ZNF30: variants seen among roughly 807,000 people sequenced by gnomAD.
The protein encoded by ZNF30 is zinc finger protein 30, also known as zinc finger protein 30 (KOX 28).
A neutral mutation model predicts 13.2 loss-of-function variants in ZNF30; 15 were observed. That is an observed-to-expected ratio of 1.13 (90% CI 0.76 to 1.75). The LOEUF (loss-of-function observed/expected upper bound fraction) is 1.75, where lower values mean the gene tolerates loss of function less well. Ranked by LOEUF, ZNF30 falls within the 40% of genes most tolerant of loss-of-function variation. ZNF30 has a pLI of 0.00. For missense variants in ZNF30, 726 were observed against 757.0 expected (o/e 0.96, Z 0.48); for synonymous variants, 223 against 256.6 (o/e 0.87, Z 1.25).
intron 3 of ZNF30, among the ~76,000 whole-genome samples, chr19:34,932,686 G>T (rs756250168): frequency 6.6e-6 from 1 of 151,952 alleles, no homozygotes; most frequent in Non-Finnish European, 1.5e-5. Context: ...AGTGAGTTAC[G>T]CAAGATCACA....
chr19:34,926,489 T>C (rs1174413312), upstream of ZNF30, among the ~76,000 whole-genome samples: 1 of 152,216 alleles, frequency 6.6e-6, no homozygotes, highest in South Asian at 2.1e-4. Context: ...AAATATTTAA[T>C]AGAAACTTAA....
rs2012205743 is a variant in ZNF30, at chr19:34,928,223, ATATATAT to A, written c.-65+1008_-65+1014del. On this transcript the variant is annotated intron_variant, in intron 1 of 4. Coordinates refer to ENST00000601142, the MANE Select transcript of ZNF30 (RefSeq NM_194325.3). ...ATCCCTTCTCTAAAAAAAAAAAAAT[ATATATAT>A]ATATATATATATATATATATATATA... 1.4e-4 allele frequency among the ~76,000 whole-genome samples: 7 copies of A among 51,330 alleles called. 1 individual carries two copies. Among genetic ancestry groups the A allele is most frequent in the African/African-American group, 7.3e-4 (5 of 6,852 alleles). 33.7% of individuals were successfully genotyped at this position (51,330 alleles called of 152,430 possible).
rs1274784373 is a variant in ZNF30, at chr19:34,944,720, A to C, written c.1754A>C (p.Glu585Ala). The stretch of plus-strand genomic sequence containing the variant: ...TTTAGACTTAATTCATTCCTTACTG[A>C]ACATCAGCGGGTACACACTGGTGAG... ...KAFRLNSFLT[E>A]HQRVHTGEKP... The change falls in exon 5 of 5, where the codon GAA becomes GCA. Residue 585 changes from glutamate to alanine, a missense_variant. Coordinates refer to ENST00000601142, the MANE Select transcript of ZNF30 (RefSeq NM_194325.3). 1 of 1,612,476 alleles carries C rather than the reference A, an allele frequency of 6.2e-7. No homozygotes were observed. The highest frequency in any genetic ancestry group is 8.5e-7 in the Non-Finnish European group (1 of 1,178,798).
intron 1 of ZNF30, among the ~76,000 whole-genome samples, chr19:34,928,859 T>G (rs1347595940): frequency 2.0e-5 from 3 of 152,110 alleles, no homozygotes; most frequent in Admixed American, 1.3e-4. Flanking sequence ...GGTGCCTAAT[T>G]TATAAATTAA....
intron 4 of ZNF30, chr19:34,942,630 G>T (rs2013101635): frequency 1.6e-6 from 2 of 1,289,418 alleles, no homozygotes; most frequent in African/African-American, 3.0e-5. Context: ...AAACATGCCA[G>T]AAGATTTTTA....
At chr19:34,924,214 T>C (rs1023936838), upstream of ZNF30, among the ~76,000 whole-genome samples, 8 of 152,192 alleles carry the variant, frequency 5.3e-5, no homozygotes, top group Non-Finnish European at 1.0e-4. Context: ...CTGTCATCTA[T>C]GGAGTGATCA....
At position 34,944,003 on chromosome 19, in the gene ZNF30, GT is replaced by G; in HGVS notation, c.1038del (p.Cys346Ter). ...CATACTGGTGAGAAACCTTTTGAAT[GT>G]AAGGAATGTGGAAAGGCCTTTAGAC... ...SIHTGEKPFE[C>X]KECGKAFRLS... On this transcript the variant is annotated frameshift_variant, in exon 5 of 5. Coordinates refer to ENST00000601142, the MANE Select transcript of ZNF30 (RefSeq NM_194325.3). LOFTEE classifies it low-confidence loss of function (END_TRUNC). The G allele has an allele frequency of 6.2e-7, 1 of 1,614,138 alleles. No individual in the cohort carries two copies. The highest frequency in any genetic ancestry group is 8.5e-7 in the Non-Finnish European group (1 of 1,180,026).
chr19:34,936,211 G>C (rs2012731121), intron 4 of ZNF30, among the ~76,000 whole-genome samples: 1 of 152,186 alleles, frequency 6.6e-6, no homozygotes, highest in Non-Finnish European at 1.5e-5. Flanking sequence ...CCAGGTATTT[G>C]TAGTGGGTAG....
chr19:34,941,631 C>A (rs2013054425), intron 4 of ZNF30, among the ~76,000 whole-genome samples: 1 of 152,164 alleles, frequency 6.6e-6, no homozygotes, highest in African/African-American at 2.4e-5. Flanking sequence ...CTAAAGGTCT[C>A]TTTTTCTGAC....
intron 4 of ZNF30, among the ~76,000 whole-genome samples, chr19:34,936,477 T>G (rs2151669788): frequency 6.6e-6 from 1 of 152,262 alleles, no homozygotes; most frequent in East Asian, 1.9e-4. Flanking sequence ...GCAGGGCAGA[T>G]CTAAAGGTGT....
intron 1 of ZNF30, among the ~76,000 whole-genome samples, chr19:34,928,208 TAAAA>T (rs386388919): frequency 0.016 from 1,133 of 70,668 alleles, 47 homozygotes; most frequent in South Asian, 0.15. Context: ...ATCCCTTCTC[TAAAA>T]AAAAAAAAAT....
upstream of ZNF30, among the ~76,000 whole-genome samples, chr19:34,925,783 C>T (rs997200929): frequency 1.3e-5 from 2 of 152,020 alleles, no homozygotes; most frequent in African/African-American, 4.8e-5. Flanking sequence ...TTAAAGGGAC[C>T]CCGCCCTTCC....
intron 4 of ZNF30, among the ~76,000 whole-genome samples, chr19:34,940,623 G>A (rs1217896464): frequency 7.5e-6 from 1 of 132,936 alleles, no homozygotes; most frequent in Non-Finnish European, 1.5e-5. Flanking sequence ...AGCTGTGATC[G>A]TACCACAGCA....
chr19:34,924,209 A>G (rs991090174), upstream of ZNF30, among the ~76,000 whole-genome samples: 5 of 152,198 alleles, frequency 3.3e-5, no homozygotes, highest in Admixed American at 2.0e-4. Context: ...CTTAGCTGTC[A>G]TCTATGGAGT....
chr19:34,929,199 C>T (rs897055781), intron 1 of ZNF30, among the ~76,000 whole-genome samples: 1 of 152,186 alleles, frequency 6.6e-6, no homozygotes, highest in African/African-American at 2.4e-5. Flanking sequence ...AGGAGAATCA[C>T]TTGAATCTGG....
chr19:34,941,300 T>G (rs1395135611), intron 4 of ZNF30, among the ~76,000 whole-genome samples: 1 of 152,240 alleles, frequency 6.6e-6, no homozygotes, highest in African/African-American at 2.4e-5. Context: ...AGTCTCACTC[T>G]GTTGCCCAGG....
rs1181726169 is a variant in ZNF30 at position 34,929,858 on chromosome 19, C to G, written c.-64-26C>G. 4 of 1,247,526 alleles carry G rather than the reference C, an allele frequency of 3.2e-6. No homozygotes were observed. The East Asian group carries it at 9.7e-5, about 30-fold the overall frequency. 77.3% of individuals were successfully genotyped at this position (1,247,526 alleles called of 1,614,324 possible). ...TATGTCATTGAGAACACTAAAGCCT[C>G]CTTTTCTCCTCTCTGGATTTTCTAG... On this transcript the variant is annotated intron_variant, in intron 1 of 4. Coordinates refer to ENST00000601142, the MANE Select transcript of ZNF30 (RefSeq NM_194325.3).
chr19:34,930,441 A>ATGGTTC (rs2012387327), intron 2 of ZNF30, among the ~76,000 whole-genome samples: 1 of 152,190 alleles, frequency 6.6e-6, no homozygotes, highest in East Asian at 1.9e-4. Context: ...CATTGATATC[A>ATGGTTC]TGGTTCTTCT....
At chr19:34,936,007 C>A (rs2012718881) in intron 4 of ZNF30, among the ~76,000 whole-genome samples, 1 of 152,196 alleles carries the variant, frequency 6.6e-6, no homozygotes, top group Non-Finnish European at 1.5e-5. Flanking sequence ...AGAAAGCCAA[C>A]AGATCTCATG....
Sources: allele counts gnomAD v4.1 joint callset (sites outside exome capture counted in the v4.1 genomes callset), GRCh38; gene constraint gnomAD v4.1.1; transcripts MANE v1.5; gene names NCBI Gene and HGNC (gene_info 2026-07-23, HGNC 2026-07-21).